Variants in DCLK1 observed in about 807,000 individuals in gnomAD.
The protein encoded by DCLK1 is doublecortin like kinase 1.
In DCLK1, 16 loss-of-function variants were observed where a neutral mutation model predicts 86.2. The ratio of observed to expected loss-of-function variants is 0.19; its 90% CI spans 0.13 to 0.28. The LOEUF is 0.28. DCLK1 is among the 10% of genes least tolerant of loss of function. DCLK1 has a pLI of 1.00. For synonymous variants in DCLK1, 369 were observed against 370.5 expected, an observed-to-expected ratio of 1.00 and a Z score of 0.05; for missense variants, 590 against 940.2, an observed-to-expected ratio of 0.63 and a Z score of 4.87.
At chr13:35,825,904 C>T (rs1345409344) in intron 10 of DCLK1, among the ~76,000 whole-genome samples, 2 of 151,916 alleles carry the variant, frequency 1.3e-5, no homozygotes, top group Non-Finnish European at 2.9e-5. Flanking sequence ...CCACCACCTC[C>T]CGGGTTCAAG....
chr13:35,788,379 A>G, intron 16 of DCLK1: 5 of 1,138,730 alleles, frequency 4.4e-6, no homozygotes, highest in Admixed American at 1.8e-5. Context: ...TTCTATATGT[A>G]TATATAGTTA....
At chr13:36,031,899 C>T (rs983839786) in intron 3 of DCLK1, among the ~76,000 whole-genome samples, 3 of 152,144 alleles carry the variant, frequency 2.0e-5, no homozygotes, top group Non-Finnish European at 4.4e-5. Flanking sequence ...ACCTGATAGA[C>T]GTGAGGTCTC....
upstream of DCLK1, among the ~76,000 whole-genome samples, chr13:36,131,489 C>G (rs1432974398): frequency 6.6e-6 from 1 of 152,108 alleles, no homozygotes; most frequent in Non-Finnish European, 1.5e-5. Flanking sequence ...CGCCCCCGCC[C>G]TTCTTGGCAG....
chr13:35,785,897 T>C (rs2086613402), intron 16 of DCLK1, among the ~76,000 whole-genome samples: 1 of 152,188 alleles, frequency 6.6e-6, no homozygotes, highest in Non-Finnish European at 1.5e-5. Flanking sequence ...TGGGGCTAAA[T>C]GGCATTATAA....
At chr13:36,110,036 G>C (rs1885553003) in intron 3 of DCLK1, among the ~76,000 whole-genome samples, 1 of 152,146 alleles carries the variant, frequency 6.6e-6, no homozygotes, top group South Asian at 2.1e-4. Context: ...GTGCAGCAGG[G>C]AGAGGGAACA....
At chr13:35,821,957 A>G (rs1331425547) in intron 11 of DCLK1, among the ~76,000 whole-genome samples, 1 of 152,086 alleles carries the variant, frequency 6.6e-6, no homozygotes, top group African/African-American at 2.4e-5. Context: ...CTCCGTTTTT[A>G]AAAATTAGTC....
At chr13:35,799,661 T>C (rs2086881163) in intron 15 of DCLK1, among the ~76,000 whole-genome samples, 1 of 152,156 alleles carries the variant, frequency 6.6e-6, no homozygotes, top group Admixed American at 6.5e-5. Context: ...ATAAGGTAGA[T>C]GAGCATTTTG....
Position 35,774,723 on chromosome 13 carries a change from A to C in DCLK1, c.2059-24T>G, listed in dbSNP as rs201023961. ...GTCTAGCAGGGGCATAAAATGAGAA[A>C]GAGGACAATTAGGGCGAGGGAAATG... On this transcript the variant is annotated intron_variant, in intron 16 of 16. Coordinates refer to ENST00000360631, the MANE Select transcript of DCLK1 (RefSeq NM_001330071.2). The C allele has an allele frequency of 9.2e-5, 147 of 1,606,310 alleles. 1 individual carries two copies. Among genetic ancestry groups the C allele is most frequent in the Non-Finnish European group, 1.2e-4 (143 of 1,175,644 alleles).
chr13:35,788,405 A>G, intron 16 of DCLK1: 1 of 858,456 alleles, frequency 1.2e-6, no homozygotes, highest in Non-Finnish European at 1.9e-6. Flanking sequence ...CCTCTTCTGC[A>G]GGGTAACTAG....
Position 36,101,206 on chromosome 13 carries a change from G to C in DCLK1, c.723+10663C>G, listed in dbSNP as rs1256700896. ...CTAACAGCATGCACATGCACTTTGT[G>C]GCATTAATCTCTTCCTCGGGATCCG... On this transcript the variant is annotated intron_variant, in intron 3 of 16. Transcript: ENST00000360631. 2.0e-5 allele frequency among the ~76,000 whole-genome samples: 3 copies of C among 152,300 alleles called. No homozygotes were observed. The South Asian group carries it at 6.2e-4, about 32-fold the overall frequency.
chr13:36,026,843 T>C (rs1238125679), intron 3 of DCLK1, among the ~76,000 whole-genome samples: 1 of 152,216 alleles, frequency 6.6e-6, no homozygotes, highest in Non-Finnish European at 1.5e-5. Context: ...TATAATGCAG[T>C]TGATGGTTGG....
intron 3 of DCLK1, among the ~76,000 whole-genome samples, chr13:35,999,800 T>C (rs1880633378): frequency 6.6e-6 from 1 of 152,196 alleles, no homozygotes; most frequent in African/African-American, 2.4e-5. Flanking sequence ...TGTTGGGAGA[T>C]GGTCTGGAAG....
intron 8 of DCLK1, among the ~76,000 whole-genome samples, chr13:35,834,813 C>G (rs562148101): frequency 2.0e-4 from 30 of 152,318 alleles, no homozygotes; most frequent in African/African-American, 7.2e-4. Context: ...GGCTGCTCAG[C>G]TGGGTCTCTG....
In DCLK1 at chr13:36,109,861, C is replaced by A. The variant is rs1885545622; in HGVS notation, c.723+2008G>T. On this transcript the variant is annotated intron_variant, in intron 3 of 16. Transcript: ENST00000360631. Reference sequence around the variant, plus strand: ...GCCATTATCAAATATTAATTCTAGACAAATTCAGTAAGGAAGAAAACAACT... The same window carrying A: ...GCCATTATCAAATATTAATTCTAGAAAAATTCAGTAAGGAAGAAAACAACT... Among the ~76,000 whole-genome samples, 3 of 152,232 alleles carry A rather than the reference C, an allele frequency of 2.0e-5. No individual in the cohort carries two copies. The South Asian group carries it at 6.2e-4, about 32-fold the overall frequency.
At chr13:36,067,211 T>C (rs1357753653) in intron 3 of DCLK1, among the ~76,000 whole-genome samples, 2 of 129,784 alleles carry the variant, frequency 1.5e-5, no homozygotes, top group African/African-American at 2.9e-5. Context: ...ATATACACCA[T>C]GGAATACTAT....
chr13:36,114,638 C>A (rs948175694), intron 2 of DCLK1, among the ~76,000 whole-genome samples: 1 of 152,168 alleles, frequency 6.6e-6, no homozygotes, highest in Non-Finnish European at 1.5e-5. Flanking sequence ...TCCATTAAAT[C>A]TTTTTAAATC....
At chr13:36,032,959 G>C (rs1436344493) in intron 3 of DCLK1, among the ~76,000 whole-genome samples, 1 of 152,196 alleles carries the variant, frequency 6.6e-6, no homozygotes, top group Non-Finnish European at 1.5e-5. Context: ...CACCTTCTCT[G>C]TAAGGCAGTA....
chr13:35,815,024 C>A (rs770428556), intron 11 of DCLK1, among the ~76,000 whole-genome samples: 9 of 152,074 alleles, frequency 5.9e-5, no homozygotes, highest in Non-Finnish European at 1.3e-4. Context: ...AAAAAGGTTC[C>A]AATTAAAACC....
chr13:36,032,460 T>C (rs1293855957), intron 3 of DCLK1, among the ~76,000 whole-genome samples: 2 of 152,166 alleles, frequency 1.3e-5, no homozygotes, highest in Non-Finnish European at 2.9e-5. Flanking sequence ...TTCTTTTACA[T>C]CCAAGTAGCT....
Sources: allele counts gnomAD v4.1 joint callset (sites outside exome capture counted in the v4.1 genomes callset), GRCh38; gene constraint gnomAD v4.1.1; transcripts MANE v1.5; gene names NCBI Gene and HGNC (gene_info 2026-07-23, HGNC 2026-07-21).